The following ARHGEF10L variants were observed in gnomAD, a reference collection of about 807,000 sequenced individuals.
The protein encoded by ARHGEF10L is Rho guanine nucleotide exchange factor 10 like, also known as rho guanine nucleotide exchange factor 10-like protein.
Under a neutral mutation model 141.2 loss-of-function variants are expected in ARHGEF10L, and 69 were observed. The observed-to-expected ratio is 0.49, with a 90% CI of 0.40 to 0.60. The LOEUF is 0.60. Ranked by LOEUF, ARHGEF10L falls within the 20% of genes least tolerant of loss-of-function variation. The pLI is 0.00. For missense variants in ARHGEF10L, 1,482 were observed against 1,734.3 expected, an observed-to-expected ratio of 0.85 and a Z score of 2.58; for synonymous variants, 711 against 718.5, an observed-to-expected ratio of 0.99 and a Z score of 0.17.
intron 11 of ARHGEF10L, among the ~76,000 whole-genome samples, 183 bp from the exon 12 acceptor site, chr1:17,622,813 A>G (rs2060176437): frequency 6.6e-6 from 1 of 152,130 alleles, no homozygotes; most frequent in Admixed American, 6.5e-5. Context: ...GTGTGTGGCC[A>G]GTGAGGCCAG....
At chr1:17,549,155 T>C (rs867497702) in intron 1 of ARHGEF10L, among the ~76,000 whole-genome samples, 2 of 151,858 alleles carry the variant, frequency 1.3e-5, no homozygotes, top group African/African-American at 4.8e-5. Flanking sequence ...CCTGAGTAGA[T>C]GGGATTACAG....
chr1:17,591,180 C>A (rs2079508527), intron 4 of ARHGEF10L, among the ~76,000 whole-genome samples: 1 of 152,238 alleles, frequency 6.6e-6, no homozygotes, highest in Admixed American at 6.5e-5. Context: ...GCCACCTGAC[C>A]TCACTGGTGC....
intron 4 of ARHGEF10L, among the ~76,000 whole-genome samples, chr1:17,592,812 T>C (rs1215737279): frequency 1.3e-5 from 2 of 151,416 alleles, no homozygotes; most frequent in Non-Finnish European, 2.9e-5. Flanking sequence ...TCCTGCGTCC[T>C]GTCCCGCAGG....
rs2059787246 is a variant in ARHGEF10L, at chr1:17,615,990, G to T, written c.727-104G>T. 3.3e-6 allele frequency: 3 copies of T among 903,230 alleles called. No individual in the cohort carries two copies. The highest frequency in any genetic ancestry group is 1.4e-5 in the South Asian group (1 of 69,522). The allele number at this position is 903,230 out of a possible 1,614,324, so 56.0% of individuals were successfully genotyped here. ...ACGGACCTGGGAGGGAAGGGTCTGG[G>T]TGGTTCTGATCTCTGCAGGCCGAGG... On this transcript the variant is annotated intron_variant, in intron 8 of 28. Coordinates refer to ENST00000361221, the MANE Select transcript of ARHGEF10L (RefSeq NM_018125.4). The surrounding 1 kb of genome is among the most constrained non-coding windows in gnomAD (Gnocchi z 4.7).
Position 17,622,687 on chromosome 1 carries a change from T to A in ARHGEF10L, c.1021-309T>A, listed in dbSNP as rs555863761. On this transcript the variant is annotated intron_variant, in intron 11 of 28. Coordinates refer to ENST00000361221, the MANE Select transcript of ARHGEF10L (RefSeq NM_018125.4). ...TGTAGTGACCTTACCGCTCGTGGGCTCAGTGACAGGCAGAGCTTCGCCCTC... is the reference window on the plus strand; with the variant it reads ...TGTAGTGACCTTACCGCTCGTGGGCACAGTGACAGGCAGAGCTTCGCCCTC... Among the ~76,000 whole-genome samples the A allele has an allele frequency of 2.0e-3, 298 of 152,256 alleles. 1 individual carries two copies. The highest frequency in any genetic ancestry group is 6.8e-3 in the African/African-American group (284 of 41,552).
intron 26 of ARHGEF10L, among the ~76,000 whole-genome samples, chr1:17,686,619 A>G (rs2064624119): frequency 6.6e-6 from 1 of 152,128 alleles, no homozygotes; most frequent in South Asian, 2.1e-4. Context: ...TGCTGTGTGC[A>G]AGTCATGGCC....
the ARHGEF10L span, among the ~76,000 whole-genome samples, chr1:17,531,958 C>A: frequency 2.6e-5 from 4 of 152,304 alleles, no homozygotes; most frequent in South Asian, 8.3e-4. Context: ...CATGGCCAGG[C>A]CCTCCTGCCA....
intron 2 of ARHGEF10L, among the ~76,000 whole-genome samples, chr1:17,586,615 T>A (rs2079044635): frequency 6.6e-6 from 1 of 152,110 alleles, no homozygotes; most frequent in South Asian, 2.1e-4. Flanking sequence ...CCTTCACTCA[T>A]GTAACAAAAG....
At position 17,654,863 on chromosome 1, in the gene ARHGEF10L, T is replaced by A; in HGVS notation, c.2481+141T>A. The A allele has an allele frequency of 5.0e-6, 4 of 797,418 alleles. No individual in the cohort carries two copies. The highest frequency in any genetic ancestry group is 8.4e-6 in the Non-Finnish European group (4 of 475,198). 49.4% of individuals were successfully genotyped at this position (797,418 alleles called of 1,614,324 possible). A position where few individuals can be genotyped will look rare whatever the true frequency, so the allele number is the denominator to read the frequency against. ...ATCCACCAAGGTCTTCCTGGGCACC[T>A]CTGGTGCCAGGCACTGCATTTGGAG... On this transcript the variant is annotated intron_variant, in intron 23 of 28. Coordinates refer to ENST00000361221, the MANE Select transcript of ARHGEF10L (RefSeq NM_018125.4). This position sits in a 1 kb window ranked among gnomAD's most constrained non-coding sequence, Gnocchi z 4.3.
chr1:17,537,822 G>T (rs528862792), upstream of ARHGEF10L, among the ~76,000 whole-genome samples: 58 of 125,034 alleles, frequency 4.6e-4, no homozygotes, highest in African/African-American at 1.7e-3. Context: ...TTCAAGACCA[G>T]CCTGGACAAC....
At chr1:17,688,616 C>T (rs1205117142) in intron 27 of ARHGEF10L, among the ~76,000 whole-genome samples, 2 of 152,346 alleles carry the variant, frequency 1.3e-5, no homozygotes, top group East Asian at 1.9e-4. Context: ...GGCCCTCGGG[C>T]CAGGGAAACA....
At chr1:17,617,964 A>G (rs558115443) in intron 9 of ARHGEF10L, among the ~76,000 whole-genome samples, 1 of 152,268 alleles carries the variant, frequency 6.6e-6, no homozygotes, top group East Asian at 1.9e-4. Flanking sequence ...GCGGCAGACC[A>G]TAAATGGGTT....
chr1:17,697,651 C>G lies in ARHGEF10L; in HGVS notation c.*271C>G. ...AACACAAAACCTCACAACTGCCTGG[C>G]AAGCCCAGTATCACTTGTTTGGGCC... On this transcript the variant is annotated 3_prime_UTR_variant, in exon 29 of 29. Coordinates refer to ENST00000361221, the MANE Select transcript of ARHGEF10L (RefSeq NM_018125.4). The surrounding 1 kb of genome is among the most constrained non-coding windows in gnomAD (Gnocchi z 4.8). 1.7e-6 allele frequency: 1 copy of G among 604,914 alleles called. No individual in the cohort carries two copies. The allele number at this position is 604,914 out of a possible 1,614,324, so 37.5% of individuals were successfully genotyped here.
chr1:17,598,753 G>T (rs2100869178), intron 4 of ARHGEF10L, among the ~76,000 whole-genome samples: 1 of 152,088 alleles, frequency 6.6e-6, no homozygotes, highest in East Asian at 1.9e-4. Flanking sequence ...GTGTGCCGAG[G>T]GCTACTGCTC....
chr1:17,604,023 G>A (rs908722102), intron 6 of ARHGEF10L, among the ~76,000 whole-genome samples: 14 of 152,162 alleles, frequency 9.2e-5, no homozygotes, highest in South Asian at 2.1e-4. Flanking sequence ...GATTGTGGCC[G>A]CAGAAGGGAG....
At chr1:17,613,535 G>T (rs1029342044) in intron 8 of ARHGEF10L, among the ~76,000 whole-genome samples, 1 of 152,186 alleles carries the variant, frequency 6.6e-6, no homozygotes, top group Non-Finnish European at 1.5e-5. Flanking sequence ...TGCCACTTAC[G>T]TAGGTCTGGG....
At chr1:17,571,344 G>A (rs1311994708) in intron 1 of ARHGEF10L, among the ~76,000 whole-genome samples, 1 of 152,092 alleles carries the variant, frequency 6.6e-6, no homozygotes, top group African/African-American at 2.4e-5. Flanking sequence ...GACCTCGTGA[G>A]CTGGCTGGCA....
chr1:17,681,064 C>T (rs756165599), intron 26 of ARHGEF10L, among the ~76,000 whole-genome samples: 9 of 152,160 alleles, frequency 5.9e-5, no homozygotes, highest in Non-Finnish European at 1.2e-4. Context: ...TGAGCCACTA[C>T]GCCTGGTCCC....
intron 26 of ARHGEF10L, among the ~76,000 whole-genome samples, chr1:17,671,646 C>T (rs925779007): frequency 7.2e-5 from 11 of 152,210 alleles, no homozygotes; most frequent in Non-Finnish European, 1.5e-4. Flanking sequence ...CCTTGAGGGG[C>T]TGTGGTGGGG....
Sources: allele counts gnomAD v4.1 joint callset (sites outside exome capture counted in the v4.1 genomes callset), GRCh38; gene constraint gnomAD v4.1.1; non-coding constraint Gnocchi (gnomAD v3.1); transcripts MANE v1.5; gene names NCBI Gene and HGNC (gene_info 2026-07-23, HGNC 2026-07-21).